Variants in KCTD19 observed in about 807,000 individuals in gnomAD.
The protein encoded by KCTD19 is potassium channel tetramerization domain containing 19.
KCTD19 carries 67 observed loss-of-function variants against 103.5 expected under a neutral mutation model. The ratio of observed to expected loss-of-function variants is 0.65; its 90% CI spans 0.53 to 0.79. KCTD19 has a LOEUF of 0.79. Among genes scored for constraint, KCTD19 ranks in the 30% least tolerant of loss-of-function variants. KCTD19 has a pLI of 0.00. For synonymous variants in KCTD19, 439 were observed against 452.2 expected, an observed-to-expected ratio of 0.97 and a Z score of 0.37; for missense variants, 980 against 1,136.1, an observed-to-expected ratio of 0.86 and a Z score of 1.98.
Position 67,323,261 on chromosome 16 carries a change from T to C in KCTD19, c.4-2376A>G, listed in dbSNP as rs1367791350. On this transcript the variant is annotated intron_variant, in intron 1 of 15. Coordinates refer to ENST00000304372, the MANE Select transcript of KCTD19 (RefSeq NM_001100915.3). The surrounding 1 kb of genome is among the most constrained non-coding windows in gnomAD (Gnocchi z 4.1). ...ACCAAAATTTCTAGACTAATGTTCA[T>C]AGAACATAATAGCCAAAAGGTTGGA... Among the ~76,000 whole-genome samples the C allele has an allele frequency of 6.6e-6, 1 of 152,228 alleles. No individual in the cohort carries two copies. Among genetic ancestry groups the C allele is most frequent in the Non-Finnish European group, 1.5e-5 (1 of 68,038 alleles).
chr16:67,313,277 AT>A (rs1478326715), intron 2 of KCTD19, among the ~76,000 whole-genome samples: 3 of 151,816 alleles, frequency 2.0e-5, no homozygotes, highest in African/African-American at 4.8e-5. Context: ...TGCCCGGCTA[AT>A]TTTTGTATTT....
At chr16:67,308,500 T>G (rs966015392) in intron 2 of KCTD19, among the ~76,000 whole-genome samples, 1 of 152,064 alleles carries the variant, frequency 6.6e-6, no homozygotes, top group African/African-American at 2.4e-5. Flanking sequence ...CCATCATTCT[T>G]TATGTTTACA....
chr16:67,303,335 G>A lies in KCTD19; in HGVS notation c.454C>T (p.Leu152=). ...AGCCCCAGAGGTGCCTTATCATGTA[G>A]GCCTGGAAGAGAACATGCAGGCAGT... is the stretch of plus-strand genomic sequence containing the variant. ...FPIKSPAFTG[L]HDKAPLGLMD... Residue 152 remains leucine (L), a splice_region_variant and synonymous_variant, in exon 4 of 16, where the codon CTA becomes TTA. Coordinates refer to ENST00000304372, the MANE Select transcript of KCTD19 (RefSeq NM_001100915.3). The surrounding 1 kb of genome is among the most constrained non-coding windows in gnomAD (Gnocchi z 4.3). 1 of 1,606,714 alleles carries A rather than the reference G, an allele frequency of 6.2e-7. No individual in the cohort carries two copies. The highest frequency in any genetic ancestry group is 8.5e-7 in the Non-Finnish European group (1 of 1,175,494).
chr16:67,315,478 G>T (rs1327326630), intron 2 of KCTD19, among the ~76,000 whole-genome samples: 1 of 151,144 alleles, frequency 6.6e-6, no homozygotes, highest in Non-Finnish European at 1.5e-5. Context: ...GCTAATTTTT[G>T]TGTTTTTTTG....
Position 67,297,667 on chromosome 16 carries a change from C to G in KCTD19, c.987-4G>C, listed in dbSNP as rs372904653. 247 of 1,613,042 alleles carry G rather than the reference C, an allele frequency of 1.5e-4. No individual in the cohort carries two copies. The highest frequency in any genetic ancestry group is 2.0e-4 in the Non-Finnish European group (235 of 1,179,802). Reference sequence around the variant, plus strand: ...CCGGCAAGTCCCCAGCCAGTTCCTGCCCAGAGGAAAGGTCTGTCATGAAGA... The same window carrying G: ...CCGGCAAGTCCCCAGCCAGTTCCTGGCCAGAGGAAAGGTCTGTCATGAAGA... On this transcript the variant is annotated splice_region_variant and splice_polypyrimidine_tract_variant and intron_variant, in intron 6 of 15. Transcript: ENST00000304372.
chr16:67,298,963 G>T (rs2036800784), intron 6 of KCTD19, among the ~76,000 whole-genome samples: 1 of 152,236 alleles, frequency 6.6e-6, no homozygotes. Context: ...CTCACCCCTG[G>T]CTCTGGCCAT....
chr16:67,294,615 C>G lies in KCTD19; in HGVS notation c.1555G>C (p.Gly519Arg), dbSNP rs1273208643. 1 of 1,613,952 alleles carries G rather than the reference C, an allele frequency of 6.2e-7. No individual in the cohort carries two copies. The highest frequency in any genetic ancestry group is 8.5e-7 in the Non-Finnish European group (1 of 1,179,906). ...RRLHVVTEGP[G>R]SLVEFSRDTK... ...TCTCTACTGAACTCCACCAGTGACC[C>G]TGGCCCTTCTGTCACCACATGCAGC... is the stretch of plus-strand genomic sequence containing the variant. The change falls in exon 11 of 16, where the codon GGG becomes CGG. Residue 519 changes from glycine (G) to arginine (R), a missense_variant. Transcript: ENST00000304372.
chr16:67,305,558 CCAGGGCGGT>C (rs1215853339), intron 2 of KCTD19: 1 of 454,794 alleles, frequency 2.2e-6, no homozygotes, highest in African/African-American at 2.0e-5. Flanking sequence ...AGCCTGAAGC[CCAGGGCGGT>C]CTTCGTGCCG....
intron 2 of KCTD19, among the ~76,000 whole-genome samples, chr16:67,312,175 C>T (rs1480472177): frequency 2.6e-5 from 4 of 152,146 alleles, no homozygotes; most frequent in Non-Finnish European, 5.9e-5. Flanking sequence ...GTAGCATGTC[C>T]TGTCAACACA....
intron 6 of KCTD19, among the ~76,000 whole-genome samples, chr16:67,298,625 A>T (rs546178647): frequency 6.6e-6 from 1 of 152,298 alleles, no homozygotes; most frequent in Non-Finnish European, 1.5e-5. Flanking sequence ...CAGGGTGGAC[A>T]TCTCTGAAAG....
Position 67,323,981 on chromosome 16 carries a change from G to A in KCTD19, c.3+2724C>T, listed in dbSNP as rs143266521. ...TACCTGCAGAGACATTACATTACTG[G>A]AGGATGAATGCTATAGATACCTTTT... On this transcript the variant is annotated intron_variant, in intron 1 of 15. Coordinates refer to ENST00000304372, the MANE Select transcript of KCTD19 (RefSeq NM_001100915.3). This position sits in a 1 kb window ranked among gnomAD's most constrained non-coding sequence, Gnocchi z 4.1. 1.7e-3 allele frequency among the ~76,000 whole-genome samples: 266 copies of A among 152,030 alleles called. No homozygotes were observed. Among genetic ancestry groups the A allele is most frequent in the Non-Finnish European group, 2.4e-3 (161 of 68,002 alleles).
intron 7 of KCTD19, 107 bp downstream of exon 7, chr16:67,297,396 C>CTCT: frequency 1.7e-6 from 2 of 1,143,570 alleles, no homozygotes. Context: ...TGGCTTTCCC[C>CTCT]TCCTCCTCCA....
intron 6 of KCTD19, among the ~76,000 whole-genome samples, chr16:67,297,884 A>G (rs2036784867): frequency 6.6e-6 from 1 of 151,846 alleles, no homozygotes; most frequent in African/African-American, 2.4e-5. Flanking sequence ...TTTGCCTCCC[A>G]GGTTCAAGCA....
chr16:67,302,996 TG>T, intron 4 of KCTD19, 149 bp downstream of exon 4: 1 of 670,996 alleles, frequency 1.5e-6, no homozygotes, highest in Non-Finnish European at 2.5e-6. Context: ...GCTTGCTTCC[TG>T]GAAGGCTCTG....
intron 2 of KCTD19, among the ~76,000 whole-genome samples, chr16:67,313,734 G>A (rs893126084): frequency 2.6e-4 from 40 of 151,890 alleles, no homozygotes; most frequent in East Asian, 3.9e-4. Flanking sequence ...GATTACAGGC[G>A]CATGCCACCA....
At chr16:67,309,952 A>T (rs1248828572) in intron 2 of KCTD19, among the ~76,000 whole-genome samples, 1 of 152,186 alleles carries the variant, frequency 6.6e-6, no homozygotes, top group East Asian at 1.9e-4. Context: ...AAGAAATCTT[A>T]AAAAAGAGAA....
In KCTD19 at chr16:67,296,268, A is replaced by G. The variant is rs761900630; in HGVS notation, c.1148-9T>C. 7 of 1,561,080 alleles carry G rather than the reference A, an allele frequency of 4.5e-6. No homozygotes were observed. In the South Asian group the frequency reaches 7.8e-5, roughly 17 times the overall value. On this transcript the variant is annotated splice_polypyrimidine_tract_variant and intron_variant, in intron 7 of 15. Coordinates refer to ENST00000304372, the MANE Select transcript of KCTD19 (RefSeq NM_001100915.3). The stretch of plus-strand genomic sequence containing the variant: ...CTCTGCCGTCCACTCATCTATGGGA[A>G]TCCAGGAGATAGAACACATCATCAT...
chr16:67,297,400 T>G, intron 7 of KCTD19, 103 bp downstream of exon 7: 1 of 1,168,658 alleles, frequency 8.6e-7, no homozygotes, highest in Admixed American at 2.2e-5. Flanking sequence ...TTTCCCCTCC[T>G]CCTCCATCTA....
Position 67,303,110 on chromosome 16 carries a change from GCCCGCC to G in KCTD19, c.643+30_643+35del. On this transcript the variant is annotated intron_variant, in intron 4 of 15. Coordinates refer to ENST00000304372, the MANE Select transcript of KCTD19 (RefSeq NM_001100915.3). The surrounding 1 kb of genome is among the most constrained non-coding windows in gnomAD (Gnocchi z 4.3). ...GGGGAGGGGTGAATGGGCCCTATCAGCCCGCCCCCCACCCCACCCCGGACAGAGCAA... is the reference window on the plus strand; with the variant it reads ...GGGGAGGGGTGAATGGGCCCTATCAGCCCCACCCCACCCCGGACAGAGCAA... The G allele has an allele frequency of 1.1e-6, 1 of 947,050 alleles. No individual in the cohort carries two copies. The highest frequency in any genetic ancestry group is 1.6e-6 in the Non-Finnish European group (1 of 621,078). The allele number at this position is 947,050 out of a possible 1,614,324, so 58.7% of individuals were successfully genotyped here.
Sources: gnomAD v4.1 joint callset for allele counts (sites outside exome capture counted in the v4.1 genomes callset) on GRCh38, gnomAD v4.1.1 for gene constraint, Gnocchi (gnomAD v3.1) non-coding constraint, MANE v1.5 for transcripts, NCBI Gene and HGNC (gene_info 2026-07-23, HGNC 2026-07-21) for gene names.